The following DNAAF4 variants were observed in gnomAD, a reference collection of about 807,000 sequenced individuals.
The protein encoded by DNAAF4 is dynein assembly factor 4, axonemal.
In DNAAF4, 43 loss-of-function variants were observed where a neutral mutation model predicts 51.8. The ratio of observed to expected loss-of-function variants is 0.83; its 90% CI spans 0.65 to 1.07. The LOEUF (loss-of-function observed/expected upper bound fraction) is 1.07. Among genes scored for constraint, DNAAF4 ranks in the 50% least tolerant of loss-of-function variants. The probability of loss-of-function intolerance (pLI) is 0.00; values close to 1 mark genes in which losing one functional copy is unlikely to be tolerated. For missense variants in DNAAF4, 581 were observed against 493.0 expected, an observed-to-expected ratio of 1.18 and a Z score of -1.69; for synonymous variants, 194 against 165.6, an observed-to-expected ratio of 1.17 and a Z score of -1.32.
Position 55,477,662 on chromosome 15 carries a change from A to G in DNAAF4, c.406-10501T>C, listed in dbSNP as rs8026229. Among the ~76,000 whole-genome samples, 370 of 16,344 alleles carry G rather than the reference A, an allele frequency of 0.023. 12 individuals are homozygous for G. In the East Asian group the frequency reaches 0.33, roughly 14 times the overall value. 10.7% of individuals were successfully genotyped at this position (16,344 alleles called of 152,430 possible). A position where few individuals can be genotyped will look rare whatever the true frequency, so the allele number is the denominator to read the frequency against. ...TATGTATGTATGCGTGTGTGTGTGT[A>G]TATATATATATACATATATACACAT... On this transcript the variant is annotated intron_variant, in intron 4 of 9. Coordinates refer to ENST00000321149, the MANE Select transcript of DNAAF4 (RefSeq NM_130810.4).
chr15:55,426,384 GGTT>G (rs1221055815), downstream of DNAAF4, among the ~76,000 whole-genome samples: 1 of 152,196 alleles, frequency 6.6e-6, no homozygotes, highest in Non-Finnish European at 1.5e-5. Flanking sequence ...TTTGGAGAAA[GGTT>G]GTTAACATCT....
At chr15:55,443,636 TG>T (rs1454552991) in intron 6 of DNAAF4, among the ~76,000 whole-genome samples, 5 of 152,360 alleles carry the variant, frequency 3.3e-5, no homozygotes, top group Middle Eastern at 3.4e-3. Flanking sequence ...TCTTCCACAA[TG>T]GTTGAACTAG....
At chr15:55,442,540 T>C (rs1345437360) in intron 6 of DNAAF4, 11 of 871,168 alleles carry the variant, frequency 1.3e-5, no homozygotes, top group Non-Finnish European at 2.2e-5. Flanking sequence ...GGCTTCTCCC[T>C]ACAGGGATTC....
chr15:55,446,427 G>A lies in DNAAF4; in HGVS notation c.783+3795C>T, dbSNP rs568645033. Among the ~76,000 whole-genome samples, 286 of 145,820 alleles carry A rather than the reference G, an allele frequency of 2.0e-3. 1 individual carries two copies. Among genetic ancestry groups the A allele is most frequent in the African/African-American group, 6.3e-3 (246 of 38,758 alleles). ...TCCTCACTTCCCAGACGGGGCGGCC[G>A]GGCAGAGGCGCTCCCCACTTCCCAG... is the stretch of plus-strand genomic sequence containing the variant. On this transcript the variant is annotated intron_variant, in intron 6 of 9. Transcript: ENST00000321149.
intron 7 of DNAAF4, among the ~76,000 whole-genome samples, chr15:55,437,503 C>A (rs1362444945): frequency 6.6e-6 from 1 of 151,540 alleles, no homozygotes; most frequent in Non-Finnish European, 1.5e-5. Flanking sequence ...AGATAATGCC[C>A]CCCGCCCCCC....
intron 2 of DNAAF4, 131 bp downstream of exon 2, chr15:55,498,076 T>A: frequency 6.7e-7 from 1 of 1,489,532 alleles, no homozygotes; most frequent in South Asian, 1.2e-5. Flanking sequence ...ATGGGATTCA[T>A]TTTTTTAATA....
intron 4 of DNAAF4, among the ~76,000 whole-genome samples, chr15:55,487,965 C>G (rs889387165): frequency 1.1e-4 from 17 of 152,096 alleles, no homozygotes; most frequent in African/African-American, 4.1e-4. Flanking sequence ...AAATATGACA[C>G]AGCAGGGGCT....
intron 4 of DNAAF4, among the ~76,000 whole-genome samples, chr15:55,489,881 T>G (rs1223172887): frequency 2.6e-5 from 4 of 151,112 alleles, no homozygotes; most frequent in Non-Finnish European, 5.9e-5. Flanking sequence ...AGAAGTTTTT[T>G]TTTTTTTTTT....
At position 55,450,251 on chromosome 15, in the gene DNAAF4, G is replaced by C; in HGVS notation, c.754C>G (p.Arg252Gly). 6.2e-7 allele frequency: 1 copy of C among 1,613,094 alleles called. No homozygotes were observed. Among genetic ancestry groups the C allele is most frequent in the East Asian group, 2.2e-5 (1 of 44,844 alleles). Residue 252 changes from arginine to glycine, a missense_variant, in exon 6 of 10, where the codon CGT becomes GGT. By Grantham distance (125) the Arg-to-Gly change is moderately radical. Coordinates refer to ENST00000321149, the MANE Select transcript of DNAAF4 (RefSeq NM_130810.4). ...TCCTCTTCTGCTACTTGTGATTCACGAAGAGCTGTTGGGAATACTCGAGGG... is the reference window on the plus strand; with the variant it reads ...TCCTCTTCTGCTACTTGTGATTCACCAAGAGCTGTTGGGAATACTCGAGGG... Reference protein sequence around the residue: ...FTPRVFPTALRESQVAEEEEW... With the variant: ...FTPRVFPTALGESQVAEEEEW...
At chr15:55,453,050 C>T (rs1330038121) in intron 5 of DNAAF4, among the ~76,000 whole-genome samples, 1 of 152,170 alleles carries the variant, frequency 6.6e-6, no homozygotes, top group African/African-American at 2.4e-5. Context: ...TGGTCTCGAA[C>T]TCCTGATCTC....
At chr15:55,480,981 C>T (rs1431528345) in intron 4 of DNAAF4, among the ~76,000 whole-genome samples, 1 of 152,134 alleles carries the variant, frequency 6.6e-6, no homozygotes, top group Admixed American at 6.6e-5. Flanking sequence ...GTGAGTCTCA[C>T]AAGATCTAAT....
chr15:55,450,440 T>C, intron 5 of DNAAF4, 73 bp from the exon 6 acceptor site: 1 of 1,490,478 alleles, frequency 6.7e-7, no homozygotes, highest in Non-Finnish European at 9.1e-7. Flanking sequence ...ATAAAGTAAT[T>C]ACACATCAAA....
intron 7 of DNAAF4, among the ~76,000 whole-genome samples, chr15:55,422,788 G>A (rs2057399103): frequency 6.6e-6 from 1 of 152,164 alleles, no homozygotes; most frequent in South Asian, 2.1e-4. Context: ...CCTGAGGTCA[G>A]GCGTTTGAGA....
chr15:55,498,514 A>G lies in DNAAF4; in HGVS notation c.-185T>C, dbSNP rs1244572505. On this transcript the variant is annotated 5_prime_UTR_variant, in exon 2 of 10. Coordinates refer to ENST00000321149, the MANE Select transcript of DNAAF4 (RefSeq NM_130810.4). ...GCGTGACTATCCAGGCGCCCAGACC[A>G]GAGAGTGATGCCGATTCTTGGGGTT... 1 of 650,144 alleles carries G rather than the reference A, an allele frequency of 1.5e-6. No homozygotes were observed. Among genetic ancestry groups the G allele is most frequent in the Non-Finnish European group, 2.4e-6 (1 of 420,158 alleles). 40.3% of individuals were successfully genotyped at this position (650,144 alleles called of 1,614,324 possible).
chr15:55,443,317 G>T, intron 6 of DNAAF4: 1 of 1,201,488 alleles, frequency 8.3e-7, no homozygotes, highest in Non-Finnish European at 1.2e-6. Flanking sequence ...CTGGCAAAGG[G>T]CCCCCAGCGT....
At chr15:55,495,084 G>C (rs1315152701) in intron 3 of DNAAF4, 8 of 151,506 alleles carry the variant, frequency 5.3e-5, no homozygotes, top group Non-Finnish European at 1.0e-4. Context: ...AGTCAAAACA[G>C]ACTGGGTGTG....
In DNAAF4 at chr15:55,491,263, T is replaced by C. The variant is rs199900604; in HGVS notation, c.272-7A>G. On this transcript the variant is annotated splice_polypyrimidine_tract_variant and splice_region_variant and intron_variant, in intron 3 of 9. Transcript: ENST00000321149. ...TGCATCATCTCTTTGTCAACTAAAA[T>C]GTACAGAATATTGCTAAATTAGAAT... The C allele has an allele frequency of 1.2e-6, 2 of 1,608,010 alleles. No individual in the cohort carries two copies. Among genetic ancestry groups the C allele is most frequent in the South Asian group, 1.1e-5 (1 of 89,838 alleles).
intron 6 of DNAAF4, among the ~76,000 whole-genome samples, chr15:55,445,255 G>A (rs1438629399): frequency 6.6e-6 from 1 of 151,892 alleles, no homozygotes; most frequent in Non-Finnish European, 1.5e-5. Context: ...TAACGAGCAT[G>A]CTGCCTTCAA....
intron 5 of DNAAF4, among the ~76,000 whole-genome samples, chr15:55,457,129 G>C (rs2058031924): frequency 6.6e-6 from 1 of 152,196 alleles, no homozygotes; most frequent in African/African-American, 2.4e-5. Flanking sequence ...CAGCCCTCTT[G>C]CTTTCTCAGT....
Sources: allele counts gnomAD v4.1 joint callset (sites outside exome capture counted in the v4.1 genomes callset), GRCh38; gene constraint gnomAD v4.1.1; transcripts MANE v1.5; gene names NCBI Gene and HGNC (gene_info 2026-07-23, HGNC 2026-07-21).